Variants in CSMD1 observed in about 807,000 individuals in gnomAD.
CSMD1 encodes CUB and Sushi multiple domains 1.
A neutral mutation model predicts 417.5 loss-of-function variants in CSMD1; 213 were observed. The ratio of observed to expected loss-of-function variants is 0.51; its 90% CI spans 0.46 to 0.57. The LOEUF (loss-of-function observed/expected upper bound fraction) is 0.57. Ranked by LOEUF, CSMD1 falls within the 20% of genes least tolerant of loss-of-function variation. The pLI, the probability that CSMD1 is intolerant of heterozygous loss-of-function variation, is 0.00. For synonymous variants in CSMD1, 2,862 were observed against 1,736.8 expected (o/e 1.65, Z -16.11); for missense variants, 6,923 against 4,529.7 (o/e 1.53, Z -15.17).
intron 12 of CSMD1, among the ~76,000 whole-genome samples, chr8:3,415,888 G>C (rs1813113066): frequency 6.6e-6 from 1 of 152,158 alleles, no homozygotes; most frequent in Non-Finnish European, 1.5e-5. Context: ...ATGAGAATAA[G>C]TGAGATTTTT....
intron 12 of CSMD1, among the ~76,000 whole-genome samples, chr8:3,410,572 C>T (rs1812626193): frequency 6.6e-6 from 1 of 152,172 alleles, no homozygotes; most frequent in African/African-American, 2.4e-5. Context: ...TAAGACGTGA[C>T]TTGTTCCACC....
At chr8:4,804,445 G>C (rs1053536017) in intron 1 of CSMD1, among the ~76,000 whole-genome samples, 2 of 151,328 alleles carry the variant, frequency 1.3e-5, no homozygotes, top group Non-Finnish European at 2.9e-5. Context: ...GTCATATACA[G>C]ACTTCGGTGT....
chr8:4,211,014 A>T (rs1042538217), intron 3 of CSMD1, among the ~76,000 whole-genome samples: 2 of 152,214 alleles, frequency 1.3e-5, no homozygotes, highest in South Asian at 2.1e-4. Flanking sequence ...ACAATGAAAT[A>T]AAAGTTTCAA....
At chr8:4,324,264 C>T (rs79512619) in intron 3 of CSMD1, among the ~76,000 whole-genome samples, 1 of 152,188 alleles carries the variant, frequency 6.6e-6, no homozygotes, top group Non-Finnish European at 1.5e-5. Context: ...GTTCTGAGAC[C>T]TTTTCCTCTT....
chr8:4,089,324 A>G (rs1375263401), intron 3 of CSMD1, among the ~76,000 whole-genome samples: 1 of 152,198 alleles, frequency 6.6e-6, no homozygotes, highest in African/African-American at 2.4e-5. Flanking sequence ...AGAAGGAAAG[A>G]AGAGAGCTCG....
At chr8:4,427,038 T>G (rs554820998) in intron 2 of CSMD1, among the ~76,000 whole-genome samples, 3 of 151,980 alleles carry the variant, frequency 2.0e-5, no homozygotes, top group Non-Finnish European at 4.4e-5. Flanking sequence ...CGAGAACTGG[T>G]GTAGACGGAA....
chr8:3,868,987 G>T (rs1183028154), intron 5 of CSMD1, among the ~76,000 whole-genome samples: 1 of 152,172 alleles, frequency 6.6e-6, no homozygotes, highest in Admixed American at 6.5e-5. Context: ...CTCAGATGAT[G>T]CCGATGGCTT....
chr8:2,976,207 G>A (rs1470501606), intron 55 of CSMD1, among the ~76,000 whole-genome samples: 1 of 150,288 alleles, frequency 6.7e-6, no homozygotes, highest in African/African-American at 2.5e-5. Context: ...GGAATGTGAG[G>A]GAAACTCACT....
chr8:3,499,355 G>C (rs568845829), intron 10 of CSMD1, among the ~76,000 whole-genome samples: 1 of 152,028 alleles, frequency 6.6e-6, no homozygotes, highest in East Asian at 1.9e-4. Context: ...CTTTGGGGTG[G>C]CCTTGTTTTG....
intron 1 of CSMD1, among the ~76,000 whole-genome samples, chr8:4,829,106 G>A (rs1015099849): frequency 2.6e-5 from 4 of 152,138 alleles, no homozygotes; most frequent in Non-Finnish European, 5.9e-5. Context: ...GGTGGCTAAT[G>A]GTTAAAATAT....
chr8:4,287,569 T>C (rs545880449), intron 3 of CSMD1, among the ~76,000 whole-genome samples: 2 of 152,230 alleles, frequency 1.3e-5, no homozygotes, highest in South Asian at 4.2e-4. Flanking sequence ...GGGACTAATG[T>C]CTGCAAGCTT....
intron 1 of CSMD1, among the ~76,000 whole-genome samples, chr8:4,854,625 CCTTT>C (rs1801685083): frequency 6.6e-6 from 1 of 152,070 alleles, no homozygotes. Context: ...CAGGGAGTTC[CCTTT>C]CTGAGTCAAA....
chr8:4,056,436 A>G (rs1420673106), intron 3 of CSMD1, among the ~76,000 whole-genome samples: 3 of 151,136 alleles, frequency 2.0e-5, no homozygotes, highest in African/African-American at 7.3e-5. Context: ...CCAAACTAAC[A>G]TTAAAATTTA....
chr8:4,646,576 G>A (rs369316998), intron 1 of CSMD1, among the ~76,000 whole-genome samples: 200 of 152,254 alleles, frequency 1.3e-3, no homozygotes, highest in South Asian at 5.8e-3. Flanking sequence ...CTGGGTGTTC[G>A]CATATACAAA....
chr8:4,011,177 A>T (rs1816507812), intron 4 of CSMD1, among the ~76,000 whole-genome samples: 1 of 152,170 alleles, frequency 6.6e-6, no homozygotes, highest in Non-Finnish European at 1.5e-5. Context: ...TTTCCTGCAA[A>T]TATTTCTACC....
At chr8:3,835,578 G>A (rs1036984748) in intron 5 of CSMD1, among the ~76,000 whole-genome samples, 2 of 152,024 alleles carry the variant, frequency 1.3e-5, no homozygotes, top group African/African-American at 4.8e-5. Flanking sequence ...TGGGGAGCGG[G>A]GAGGGATAGC....
intron 1 of CSMD1, among the ~76,000 whole-genome samples, chr8:4,769,004 A>G (rs1360494980): frequency 6.6e-6 from 1 of 152,168 alleles, no homozygotes; most frequent in East Asian, 1.9e-4. Flanking sequence ...GAAGAGACCA[A>G]TATACCTGAC....
intron 8 of CSMD1, among the ~76,000 whole-genome samples, chr8:3,588,340 G>A (rs1374495827): frequency 1.4e-5 from 2 of 144,378 alleles, no homozygotes; most frequent in African/African-American, 5.0e-5. Flanking sequence ...AAGTCATAAA[G>A]CACCATGAAG....
At chr8:3,824,530 G>C (rs376485348) in intron 5 of CSMD1, among the ~76,000 whole-genome samples, 3 of 152,202 alleles carry the variant, frequency 2.0e-5, no homozygotes, top group East Asian at 3.9e-4. Flanking sequence ...AAAGCGTGAT[G>C]AGTCTGAATT....
Sources: allele counts gnomAD v4.1 joint callset (sites outside exome capture counted in the v4.1 genomes callset), GRCh38; gene constraint gnomAD v4.1.1; transcripts MANE v1.5; gene names NCBI Gene and HGNC (gene_info 2026-07-23, HGNC 2026-07-21).